The following RIMS2 variants were observed in gnomAD, a reference collection of about 807,000 sequenced individuals.
The protein encoded by RIMS2 is regulating synaptic membrane exocytosis protein 2.
RIMS2 carries 59 observed loss-of-function variants against 174.4 expected under a neutral mutation model. The ratio of observed to expected loss-of-function variants is 0.34; its 90% CI spans 0.27 to 0.42. The LOEUF (loss-of-function observed/expected upper bound fraction) is 0.42. Among genes scored for constraint, RIMS2 ranks in the 10% least tolerant of loss-of-function variants. The pLI, the probability that RIMS2 is intolerant of heterozygous loss-of-function variation, is 1.00. For synonymous variants in RIMS2, 606 were observed against 572.5 expected (o/e 1.06, Z -0.84); for missense variants, 1,620 against 1,666.3 (o/e 0.97, Z 0.48).
intron 19 of RIMS2, among the ~76,000 whole-genome samples, chr8:104,094,281 T>G (rs566753212): frequency 6.6e-6 from 1 of 152,188 alleles, no homozygotes; most frequent in African/African-American, 2.4e-5. Flanking sequence ...ATTTAAAAAC[T>G]ATTACAATTA....
intron 17 of RIMS2, among the ~76,000 whole-genome samples, chr8:104,006,490 T>C (rs1419913636): frequency 6.6e-6 from 1 of 151,952 alleles, no homozygotes; most frequent in African/African-American, 2.4e-5. Flanking sequence ...GTGGAGGTTG[T>C]GGTGAGCTGA....
chr8:103,853,302 A>C (rs943926667), intron 3 of RIMS2, among the ~76,000 whole-genome samples: 3 of 151,410 alleles, frequency 2.0e-5, no homozygotes, highest in African/African-American at 7.3e-5. Flanking sequence ...TCTGATGCAT[A>C]GTTTGTGAAT....
intron 1 of RIMS2, among the ~76,000 whole-genome samples, chr8:103,601,757 G>A (rs1478875776): frequency 6.6e-6 from 1 of 151,566 alleles, no homozygotes; most frequent in Admixed American, 6.6e-5. Flanking sequence ...TAGTGAAAGT[G>A]ATTTCCTCTG....
At position 104,053,924 on chromosome 8, in the gene RIMS2, G is replaced by A. The variant is rs535012965; in HGVS notation, c.3334+39309G>A. On this transcript the variant is annotated intron_variant, in intron 19 of 23. Coordinates refer to ENST00000504942, the Ensembl canonical transcript of RIMS2. ...GACCAATACTAGAGGTCAGGGAAGA[G>A]GAGAGCAATAAGAGAGGAATTCAGA... 4.6e-5 allele frequency among the ~76,000 whole-genome samples: 7 copies of A among 152,174 alleles called. No individual in the cohort carries two copies. In the South Asian group the frequency reaches 1.5e-3, roughly 32 times the overall value.
At chr8:103,672,550 G>A (rs2096757633) in intron 1 of RIMS2, among the ~76,000 whole-genome samples, 1 of 151,854 alleles carries the variant, frequency 6.6e-6, no homozygotes, top group South Asian at 2.1e-4. Context: ...AGAACAGGAA[G>A]AAGAGAGGAT....
chr8:103,659,273 T>G (rs1372250546), intron 1 of RIMS2, among the ~76,000 whole-genome samples: 1 of 152,080 alleles, frequency 6.6e-6, no homozygotes, highest in East Asian at 1.9e-4. Context: ...GCGGGCTGCC[T>G]AGTGTAGAGA....
chr8:104,194,496 G>T (rs920494705), intron 19 of RIMS2, among the ~76,000 whole-genome samples: 1 of 152,054 alleles, frequency 6.6e-6, no homozygotes, highest in East Asian at 1.9e-4. Context: ...ATATAGGGTG[G>T]GGACATGAAG....
chr8:103,790,547 T>A (rs2098486987), intron 3 of RIMS2, among the ~76,000 whole-genome samples: 1 of 152,222 alleles, frequency 6.6e-6, no homozygotes, highest in Non-Finnish European at 1.5e-5. Context: ...ATAATGCTAT[T>A]ATAGACATTT....
At chr8:103,778,492 G>C (rs2098343818) in intron 3 of RIMS2, among the ~76,000 whole-genome samples, 1 of 152,002 alleles carries the variant, frequency 6.6e-6, no homozygotes, top group Non-Finnish European at 1.5e-5. Context: ...GTTCCTACAT[G>C]AGTGAGAACA....
intron 21 of RIMS2, 100 bp downstream of exon 27, chr8:104,248,913 T>TCTCTCTCTCTCTCTCTCTCTCTC (rs1563995464): frequency 3.7e-6 from 2 of 536,676 alleles, no homozygotes; most frequent in Non-Finnish European, 6.3e-6. Flanking sequence ...CTCTCTCTCT[T>TCTCTCTCTCTCTCTCTCTCTCTC]TCCCTCTCTC....
chr8:103,714,515 C>T (rs1025212313), intron 2 of RIMS2, among the ~76,000 whole-genome samples: 9 of 151,954 alleles, frequency 5.9e-5, no homozygotes, highest in African/African-American at 2.2e-4. Context: ...ATATAGAGCA[C>T]TGATACAGAG....
At chr8:103,695,841 T>C (rs1051438926) in intron 1 of RIMS2, among the ~76,000 whole-genome samples, 4 of 152,058 alleles carry the variant, frequency 2.6e-5, no homozygotes, top group Non-Finnish European at 4.4e-5. Context: ...GGTTTCACTA[T>C]ACAATGTGTA....
chr8:104,049,589 A>G (rs1170492961), intron 19 of RIMS2, among the ~76,000 whole-genome samples: 1 of 152,148 alleles, frequency 6.6e-6, no homozygotes, highest in Non-Finnish European at 1.5e-5. Context: ...CAAGTTTCCT[A>G]ATTTCTCCAA....
chr8:103,683,970 C>CT lies in RIMS2; in HGVS notation c.177-13112dup, dbSNP rs2096909440. ...ATATTAGGTGTAGAAAGGAAGTATA[C>CT]TTTTGTGACAAAGTAGATATAAGGA... On this transcript the variant is annotated intron_variant, in intron 1 of 23. Coordinates refer to ENST00000504942, the Ensembl canonical transcript of RIMS2. Among the ~76,000 whole-genome samples the CT allele has an allele frequency of 3.3e-5, 5 of 152,210 alleles. No individual in the cohort carries two copies. The South Asian group carries it at 1.0e-3, about 32-fold the overall frequency.
intron 14 of RIMS2, among the ~76,000 whole-genome samples, chr8:103,948,840 C>T (rs1467824695): frequency 6.6e-6 from 1 of 151,592 alleles, no homozygotes; most frequent in Non-Finnish European, 1.5e-5. Flanking sequence ...CAATTTTAGT[C>T]AAAGCCAGGC....
chr8:103,990,672 T>A (rs2094624935), intron 17 of RIMS2, among the ~76,000 whole-genome samples: 2 of 152,028 alleles, frequency 1.3e-5, no homozygotes, highest in East Asian at 3.8e-4. Flanking sequence ...TTGCCTAATA[T>A]AGCATTTTAA....
chr8:103,848,594 T>G (rs1170280090), intron 3 of RIMS2, among the ~76,000 whole-genome samples: 1 of 152,038 alleles, frequency 6.6e-6, no homozygotes, highest in Admixed American at 6.6e-5. Flanking sequence ...ATGTTCCATT[T>G]CTACCCTGAC....
At chr8:103,622,272 A>G (rs1026735233) in intron 1 of RIMS2, among the ~76,000 whole-genome samples, 4 of 152,140 alleles carry the variant, frequency 2.6e-5, no homozygotes, top group Non-Finnish European at 5.9e-5. Context: ...TGACACATAC[A>G]TTATATTCTG....
intron 1 of RIMS2, among the ~76,000 whole-genome samples, chr8:103,565,263 A>C (rs2092201222): frequency 6.6e-6 from 1 of 152,008 alleles, no homozygotes; most frequent in Admixed American, 6.6e-5. Flanking sequence ...AAATGTACTA[A>C]AGTTAAGGAG....
Sources: allele counts gnomAD v4.1 joint callset (sites outside exome capture counted in the v4.1 genomes callset), GRCh38; gene constraint gnomAD v4.1.1; transcripts MANE v1.5; gene names NCBI Gene and HGNC (gene_info 2026-07-23, HGNC 2026-07-21).